FMN1: variants seen among roughly 807,000 people sequenced by gnomAD.
The protein encoded by FMN1 is formin-1.
FMN1 carries 110 observed loss-of-function variants against 132.4 expected under a neutral mutation model. That is an observed-to-expected ratio of 0.83 (90% CI 0.71 to 0.97). The LOEUF is 0.97. Among genes scored for constraint, FMN1 ranks in the 50% least tolerant of loss-of-function variants. FMN1 has a pLI of 0.00. For synonymous variants in FMN1, 722 were observed against 651.7 expected (o/e 1.11, Z -1.64); for missense variants, 1,792 against 1,705.3 (o/e 1.05, Z -0.90).
chr15:32,822,694 G>A (rs2058250618), intron 17 of FMN1, among the ~76,000 whole-genome samples: 1 of 151,946 alleles, frequency 6.6e-6, no homozygotes, highest in South Asian at 2.1e-4. Flanking sequence ...TTCATTTCTG[G>A]GAAGTAATGT....
intron 3 of FMN1, among the ~76,000 whole-genome samples, chr15:33,172,189 C>T (rs565199610): frequency 6.7e-6 from 1 of 148,410 alleles, no homozygotes; most frequent in African/African-American, 2.5e-5. Flanking sequence ...GACTGGGTGG[C>T]AGAGCGAGAC....
chr15:33,026,303 G>T (rs2035667403), intron 6 of FMN1, among the ~76,000 whole-genome samples: 1 of 151,712 alleles, frequency 6.6e-6, no homozygotes, highest in African/African-American at 2.4e-5. Context: ...ATGATAAAAA[G>T]CTTAAGTATA....
At position 33,143,759 on chromosome 15, in the gene FMN1, C is replaced by T. The variant is rs186542790; in HGVS notation, c.1867+9289G>A. Among the ~76,000 whole-genome samples, 198 of 152,278 alleles carry T rather than the reference C, an allele frequency of 1.3e-3. 2 individuals are homozygous for T. Among genetic ancestry groups the T allele is most frequent in the African/African-American group, 4.5e-3 (189 of 41,552 alleles). On this transcript the variant is annotated intron_variant, in intron 4 of 20. Transcript: ENST00000616417. ...GAAGGTTGTTTTTAATTAAAGTCAA[C>T]AATCATAATTTTCTTAAAAGAATCA...
In FMN1 at chr15:33,168,739, C is replaced by G. The variant is rs1224067885; in HGVS notation, c.-132+11459G>C. ...GTATCTGCTCAAGCATTTAAACCAACCCCAACTTTGGCACAAGGCTGCAGG... is the reference window on the plus strand; with the variant it reads ...GTATCTGCTCAAGCATTTAAACCAAGCCCAACTTTGGCACAAGGCTGCAGG... On this transcript the variant is annotated intron_variant, in intron 3 of 20. Coordinates refer to ENST00000616417, the MANE Select transcript of FMN1 (RefSeq NM_001277313.2). Among the ~76,000 whole-genome samples the G allele has an allele frequency of 2.0e-5, 3 of 152,180 alleles. No individual in the cohort carries two copies. In the East Asian group the frequency reaches 5.8e-4, roughly 29 times the overall value.
chr15:32,807,165 T>C (rs1197959900), intron 17 of FMN1, among the ~76,000 whole-genome samples: 1 of 152,234 alleles, frequency 6.6e-6, no homozygotes, highest in African/African-American at 2.4e-5. Context: ...AATATGAACA[T>C]AAGCTAAAGA....
chr15:32,886,129 A>G (rs2059890548), intron 16 of FMN1, among the ~76,000 whole-genome samples: 1 of 152,202 alleles, frequency 6.6e-6, no homozygotes, highest in Non-Finnish European at 1.5e-5. Flanking sequence ...TAGAAGAAAA[A>G]GAAATTCATT....
rs5811710 is a variant in FMN1, at chr15:32,842,787, C to CTTTTT, written c.3928+14223_3928+14227dup. Among the ~76,000 whole-genome samples the CTTTTT allele has an allele frequency of 2.9e-5, 4 of 139,936 alleles. 1 individual carries two copies. Among genetic ancestry groups the CTTTTT allele is most frequent in the Non-Finnish European group, 4.6e-5 (3 of 65,394 alleles). 91.8% of individuals were successfully genotyped at this position (139,936 alleles called of 152,430 possible). A position where few individuals can be genotyped will look rare whatever the true frequency, so the allele number is the denominator to read the frequency against. Reference sequence around the variant, plus strand: ...TGTCTTTGAGATGAGGGAACCTCAGCTTTTTTTTTTTTTTTTGAGGAAGTA... The same window carrying CTTTTT: ...TGTCTTTGAGATGAGGGAACCTCAGCTTTTTTTTTTTTTTTTTTTTTGAGGAAGTA... On this transcript the variant is annotated intron_variant, in intron 17 of 20. Coordinates refer to ENST00000616417, the MANE Select transcript of FMN1 (RefSeq NM_001277313.2).
chr15:33,138,419 A>G (rs1472512977), intron 4 of FMN1, among the ~76,000 whole-genome samples: 2 of 151,978 alleles, frequency 1.3e-5, no homozygotes, highest in Non-Finnish European at 2.9e-5. Context: ...AGGTGTCCCT[A>G]TATTCCCATC....
intron 9 of FMN1, among the ~76,000 whole-genome samples, chr15:32,935,025 G>A (rs1373337120): frequency 1.3e-5 from 2 of 151,488 alleles, no homozygotes; most frequent in African/African-American, 4.9e-5. Flanking sequence ...GAGTTCAAGC[G>A]ATTCTCCTCC....
chr15:32,979,555 C>CAA (rs66993265), intron 7 of FMN1, among the ~76,000 whole-genome samples: 738 of 57,038 alleles, frequency 0.013, 23 homozygotes, highest in African/African-American at 0.032. Context: ...GACTCTGTCT[C>CAA]AAAAAAAAAA....
intron 9 of FMN1, among the ~76,000 whole-genome samples, chr15:32,936,700 G>T (rs908181843): frequency 5.3e-5 from 8 of 151,720 alleles, no homozygotes; most frequent in Admixed American, 2.6e-4. Flanking sequence ...GGAAGGAGAA[G>T]AAAGAAGGAA....
chr15:33,121,370 TGTTTACA>T (rs985599237), intron 4 of FMN1, among the ~76,000 whole-genome samples: 45 of 151,990 alleles, frequency 3.0e-4, no homozygotes, highest in African/African-American at 1.1e-3. Context: ...GTGTCAATAT[TGTTTACA>T]ATGTTCTGGA....
chr15:33,185,690 A>T (rs1421715123), intron 2 of FMN1, among the ~76,000 whole-genome samples: 1 of 149,428 alleles, frequency 6.7e-6, no homozygotes, highest in Non-Finnish European at 1.5e-5. Context: ...CTCCTGCCTC[A>T]GCCTCCCAGT....
At chr15:33,082,671 A>G (rs2038529520) in intron 5 of FMN1, among the ~76,000 whole-genome samples, 1 of 152,148 alleles carries the variant, frequency 6.6e-6, no homozygotes, top group African/African-American at 2.4e-5. Flanking sequence ...TGCATGGCTA[A>G]TGGTAGCTCC....
chr15:32,980,200 A>ATAAGT (rs58140859), intron 7 of FMN1, among the ~76,000 whole-genome samples: 28,693 of 152,014 alleles, frequency 0.19, 4,509 homozygotes, highest in African/African-American at 0.43. Flanking sequence ...TATACAAGAC[A>ATAAGT]TAAGATGCCA....
At chr15:32,864,626 C>G (rs1030034802) in intron 16 of FMN1, among the ~76,000 whole-genome samples, 1 of 152,184 alleles carries the variant, frequency 6.6e-6, no homozygotes, top group African/African-American at 2.4e-5. Flanking sequence ...TCCCAGTTGT[C>G]CATTCAAGTT....
At chr15:32,806,612 G>A (rs192452655) in intron 17 of FMN1, among the ~76,000 whole-genome samples, 4 of 152,244 alleles carry the variant, frequency 2.6e-5, no homozygotes, top group Non-Finnish European at 2.9e-5. Context: ...CACTTAAGTC[G>A]GCTCCCTGGC....
chr15:33,040,922 C>T (rs1046079558), intron 6 of FMN1, among the ~76,000 whole-genome samples: 2 of 152,158 alleles, frequency 1.3e-5, no homozygotes, highest in Admixed American at 1.3e-4. Flanking sequence ...TCACTGGATA[C>T]TTTGGTACTT....
chr15:33,068,527 A>G (rs1236255845), intron 5 of FMN1, among the ~76,000 whole-genome samples: 1 of 152,248 alleles, frequency 6.6e-6, no homozygotes, highest in Non-Finnish European at 1.5e-5. Flanking sequence ...CCAGATCAGC[A>G]GCCACTTACG....
Sources: gnomAD v4.1 joint callset for allele counts (sites outside exome capture counted in the v4.1 genomes callset) on GRCh38, gnomAD v4.1.1 for gene constraint, MANE v1.5 for transcripts, NCBI Gene and HGNC (gene_info 2026-07-23, HGNC 2026-07-21) for gene names.